WDR33: variants seen among roughly 807,000 people sequenced by gnomAD.
The protein encoded by WDR33 is pre-mRNA 3' end processing protein WDR33.
Under a neutral mutation model 164.9 loss-of-function variants are expected in WDR33, and 47 were observed. The ratio of observed to expected loss-of-function variants is 0.29; its 90% CI spans 0.23 to 0.36. WDR33 has a LOEUF of 0.36. Among genes scored for constraint, WDR33 ranks in the 10% least tolerant of loss-of-function variants. WDR33 has a pLI of 1.00. For synonymous variants in WDR33, 505 were observed against 589.0 expected, an observed-to-expected ratio of 0.86 and a Z score of 2.06; for missense variants, 1,137 against 1,754.1, an observed-to-expected ratio of 0.65 and a Z score of 6.28.
At position 127,717,810 on chromosome 2, in the gene WDR33, C is replaced by T. The variant is rs960934973; in HGVS notation, c.2761-547G>A. Among the ~76,000 whole-genome samples the T allele has an allele frequency of 6.6e-6, 1 of 152,016 alleles. No homozygotes were observed. Among genetic ancestry groups the T allele is most frequent in the Non-Finnish European group, 1.5e-5 (1 of 68,000 alleles). ...CAATAAAAAATCTCATTGAATTATC[C>T]CAGAAACTCAGGCATGTCCTTGTGA... On this transcript the variant is annotated intron_variant, in intron 16 of 21. Coordinates refer to ENST00000322313, the MANE Select transcript of WDR33 (RefSeq NM_018383.5). This position sits in a 1 kb window ranked among gnomAD's most constrained non-coding sequence, Gnocchi z 5.6.
intron 7 of WDR33, chr2:127,737,925 A>G (rs1431115353): frequency 5.8e-6 from 9 of 1,561,576 alleles, no homozygotes; most frequent in Non-Finnish European, 7.8e-6. Flanking sequence ...ATTTGAATCT[A>G]TGTTTTGCCA....
chr2:127,810,789 TA>T (rs3214301), intron 1 of WDR33: 71,561 of 152,276 alleles, frequency 0.47, 17,969 homozygotes, highest in African/African-American at 0.64. Flanking sequence ...GCCTTAGTTC[TA>T]ACCATGGCCG....
rs756960072 is a variant in WDR33 at position 127,720,033 on chromosome 2, C to CCCCTGGGGCGGG, written c.1980_1991dup (p.Pro661_Gly664dup). 5 of 1,613,674 alleles carry CCCCTGGGGCGGG rather than the reference C, an allele frequency of 3.1e-6. No homozygotes were observed. The highest frequency in any genetic ancestry group is 1.7e-5 in the Admixed American group (1 of 59,976). On this transcript the variant is annotated inframe_insertion, in exon 16 of 22. Coordinates refer to ENST00000322313, the MANE Select transcript of WDR33 (RefSeq NM_018383.5). The surrounding 1 kb of genome is among the most constrained non-coding windows in gnomAD (Gnocchi z 5.9). The stretch of plus-strand genomic sequence containing the variant: ...CATGCATGTCCTGAGGCCGTGGCAA[C>CCCCTGGGGCGGG]CCCTGGGGCGGGCCCTGGGGCCCCT...
At chr2:127,759,554 G>A (rs901397213) in intron 7 of WDR33, among the ~76,000 whole-genome samples, 1 of 151,984 alleles carries the variant, frequency 6.6e-6, no homozygotes, top group African/African-American at 2.4e-5. Flanking sequence ...AGCCGGGCAT[G>A]GTGACACATG....
Position 127,747,225 on chromosome 2 carries a change from T to G in WDR33, c.724+15837A>C, listed in dbSNP as rs556423838. On this transcript the variant is annotated intron_variant, in intron 7 of 21. Coordinates refer to ENST00000322313, the MANE Select transcript of WDR33 (RefSeq NM_018383.5). ...TATCTACCAATCCTGAAATCTGTGG[T>G]AACTCTGGAATATGCTGTTTTTTCC... is the stretch of plus-strand genomic sequence containing the variant. Among the ~76,000 whole-genome samples, 10 of 152,340 alleles carry G rather than the reference T, an allele frequency of 6.6e-5. No homozygotes were observed. The East Asian group carries it at 1.9e-3, about 29-fold the overall frequency.
chr2:127,729,967 C>T (rs1237608928), intron 7 of WDR33, among the ~76,000 whole-genome samples: 1 of 152,162 alleles, frequency 6.6e-6, no homozygotes, highest in Non-Finnish European at 1.5e-5. Flanking sequence ...GACACACACC[C>T]ACGCCCCTTT....
In WDR33 at chr2:127,718,702, C is replaced by G. The variant is rs1025370121; in HGVS notation, c.2760+563G>C. On this transcript the variant is annotated intron_variant, in intron 16 of 21. Coordinates refer to ENST00000322313, the MANE Select transcript of WDR33 (RefSeq NM_018383.5). The surrounding 1 kb of genome is among the most constrained non-coding windows in gnomAD (Gnocchi z 4.4). ...AAAGGGTCACCATTTCCAGAATGCT[C>G]AATTCTGGAATAACAGTCTCTTTAT... is the stretch of plus-strand genomic sequence containing the variant. 6.6e-5 allele frequency among the ~76,000 whole-genome samples: 10 copies of G among 152,172 alleles called. No individual in the cohort carries two copies. Among genetic ancestry groups the G allele is most frequent in the African/African-American group, 9.7e-5 (4 of 41,426 alleles).
At position 127,701,376 on chromosome 2, in the gene WDR33, G is replaced by T. The variant is rs935062781; in HGVS notation, c.*4947C>A. 8.5e-5 allele frequency: 60 copies of T among 708,136 alleles called. No homozygotes were observed. Among genetic ancestry groups the T allele is most frequent in the Non-Finnish European group, 1.2e-4 (60 of 514,550 alleles). 43.9% of individuals were successfully genotyped at this position (708,136 alleles called of 1,614,324 possible). A position where few individuals can be genotyped will look rare whatever the true frequency, so the allele number is the denominator to read the frequency against. ...CACGGTACTTGGGGACACCACAAAA[G>T]TCCGCAGAGCAGGCACCGCGGCACT... On this transcript the variant is annotated 3_prime_UTR_variant, in exon 22 of 22. Transcript: ENST00000322313.
Position 127,701,969 on chromosome 2 carries a change from G to C in WDR33, c.*4354C>G. On this transcript the variant is annotated 3_prime_UTR_variant, in exon 22 of 22. Coordinates refer to ENST00000322313, the MANE Select transcript of WDR33 (RefSeq NM_018383.5). The stretch of plus-strand genomic sequence containing the variant: ...AAGAAGCGCCGTCCCGGCCCGCGCT[G>C]CTCTACATGGCAGCGCTGGGCGCCA... The C allele has an allele frequency of 7.3e-7, 1 of 1,379,278 alleles. No individual in the cohort carries two copies. Among genetic ancestry groups the C allele is most frequent in the South Asian group, 1.5e-5 (1 of 64,682 alleles). 85.4% of individuals were successfully genotyped at this position (1,379,278 alleles called of 1,614,324 possible).
At position 127,701,875 on chromosome 2, in the gene WDR33, C is replaced by CGGCGCT. The variant is rs1558914254; in HGVS notation, c.*4442_*4447dup. On this transcript the variant is annotated 3_prime_UTR_variant, in exon 22 of 22. Transcript: ENST00000322313. The stretch of plus-strand genomic sequence containing the variant: ...TTCGCGCTGCTCTGGTCACTGGGCT[C>CGGCGCT]GGCGCTGGCGTTGGCGGGAAGCGCG... The CGGCGCT allele has an allele frequency of 3.4e-6, 5 of 1,456,712 alleles. No homozygotes were observed. The highest frequency in any genetic ancestry group is 2.5e-5 in the Admixed American group (1 of 39,882). The allele number at this position is 1,456,712 out of a possible 1,614,324, so 90.2% of individuals were successfully genotyped here.
In WDR33 at chr2:127,810,523, G is replaced by A. The variant is rs10211480; in HGVS notation, c.-24+489C>T. 6.2e-3 allele frequency among the ~76,000 whole-genome samples: 945 copies of A among 152,214 alleles called. 7 individuals carry two copies. The highest frequency in any genetic ancestry group is 0.022 in the African/African-American group (901 of 41,518). On this transcript the variant is annotated intron_variant, in intron 1 of 21. Transcript: ENST00000322313. ...AAATACAACTATTCCAAAAAAGCAG[G>A]GCTTTGCCTGTCAAGCTGTAGCCTC...
At chr2:127,760,165 CTG>C (rs1246874237) in intron 7 of WDR33, among the ~76,000 whole-genome samples, 1 of 152,150 alleles carries the variant, frequency 6.6e-6, no homozygotes, top group Non-Finnish European at 1.5e-5. Flanking sequence ...CTGAGAATGT[CTG>C]TGAGTAGAAG....
At chr2:127,733,312 G>A (rs924135025) in intron 7 of WDR33, among the ~76,000 whole-genome samples, 1 of 152,220 alleles carries the variant, frequency 6.6e-6, no homozygotes, top group Non-Finnish European at 1.5e-5. Context: ...GGAGTCTATA[G>A]GTAGACTGTG....
rs1423408504 is a variant in WDR33, at chr2:127,738,529, T to C, written c.725-11752A>G. ...CAGTATGAAAAGTGGGAAATAAGAG[T>C]AGCTGTTGTTGAAGAAACTTGACAA... On this transcript the variant is annotated intron_variant, in intron 7 of 21. Transcript: ENST00000322313. The surrounding 1 kb of genome is among the most constrained non-coding windows in gnomAD (Gnocchi z 4.4). Among the ~76,000 whole-genome samples the C allele has an allele frequency of 1.3e-5, 2 of 151,868 alleles. No individual in the cohort carries two copies. The highest frequency in any genetic ancestry group is 6.6e-5 in the Admixed American group (1 of 15,240).
At position 127,701,481 on chromosome 2, in the gene WDR33, G is replaced by A. The variant is rs1163704029; in HGVS notation, c.*4842C>T. The A allele has an allele frequency of 1.6e-6, 2 of 1,258,204 alleles. No homozygotes were observed. The highest frequency in any genetic ancestry group is 1.6e-5 in the African/African-American group (1 of 64,252). The allele number at this position is 1,258,204 out of a possible 1,614,324, so 77.9% of individuals were successfully genotyped here. ...GAAGACCGAACCGCTTCAGCGGAGG[G>A]CCGGAAGTGAGCCGCAGCTTTTCCT... On this transcript the variant is annotated 3_prime_UTR_variant, in exon 22 of 22. Coordinates refer to ENST00000322313, the MANE Select transcript of WDR33 (RefSeq NM_018383.5).
chr2:127,795,379 G>T (rs950373278), intron 1 of WDR33, among the ~76,000 whole-genome samples: 1 of 151,866 alleles, frequency 6.6e-6, no homozygotes, highest in Non-Finnish European at 1.5e-5. Context: ...GATTAAAGGC[G>T]TGAGCCATCG....
In WDR33 at chr2:127,708,836, C is replaced by T. The variant is rs370287896; in HGVS notation, c.3622G>A (p.Gly1208Ser). ...CGTTCTCTGCTGGCTGGGGAATGAC[C>T]GTCGTGAGGGGGATGATCAGGGCGG... ...TPRPDHPPHD[G>S]HSPASRERSS... is the part of the protein sequence containing the mutation. Residue 1208 changes from glycine (G) to serine (S), a missense_variant, in exon 21 of 22, where the codon GGT (glycine) becomes AGT (serine). Physicochemically the swap from Gly to Ser is moderately conservative, Grantham distance 56. This residue lies in a region of WDR33 where 867 missense variants were observed against 1,073.0 expected (regional missense o/e 0.81). Coordinates refer to ENST00000322313, the MANE Select transcript of WDR33 (RefSeq NM_018383.5). The surrounding 1 kb of genome is among the most constrained non-coding windows in gnomAD (Gnocchi z 6.7). The T allele has an allele frequency of 1.6e-5, 26 of 1,611,050 alleles. No homozygotes were observed. The highest frequency in any genetic ancestry group is 1.4e-4 in the South Asian group (13 of 90,786).
At chr2:127,729,216 C>T (rs1258076927) in intron 7 of WDR33, among the ~76,000 whole-genome samples, 1 of 152,214 alleles carries the variant, frequency 6.6e-6, no homozygotes, top group Non-Finnish European at 1.5e-5. Context: ...ACTCATTTTA[C>T]ATCTGAAGAC....
In WDR33 at chr2:127,721,360, G is replaced by A. The variant is rs1045165784; in HGVS notation, c.1671+476C>T. ...TGATCTCAGGTGATCTGTCTGCCTC[G>A]GCCTCCCAAAGTGCTGGGATTACAG... On this transcript the variant is annotated intron_variant, in intron 15 of 21. Coordinates refer to ENST00000322313, the MANE Select transcript of WDR33 (RefSeq NM_018383.5). The surrounding 1 kb of genome is among the most constrained non-coding windows in gnomAD (Gnocchi z 4.9). Among the ~76,000 whole-genome samples, 3 of 151,384 alleles carry A rather than the reference G, an allele frequency of 2.0e-5. No individual in the cohort carries two copies. The highest frequency in any genetic ancestry group is 6.6e-5 in the Admixed American group (1 of 15,240).
Sources: gnomAD v4.1 joint callset for allele counts (sites outside exome capture counted in the v4.1 genomes callset) on GRCh38, gnomAD v4.1.1 for gene constraint, gnomAD v4.1.1 regional missense constraint, Gnocchi (gnomAD v3.1) non-coding constraint, MANE v1.5 for transcripts, NCBI Gene and HGNC (gene_info 2026-07-23, HGNC 2026-07-21) for gene names.